RREB1: variants seen among roughly 807,000 people sequenced by gnomAD.
RREB1 encodes ras-responsive element-binding protein 1.
In RREB1, 27 loss-of-function variants were observed where a neutral mutation model predicts 117.8. The ratio of observed to expected loss-of-function variants is 0.23; its 90% CI spans 0.17 to 0.32. The LOEUF is 0.32. RREB1 is among the 10% of genes least tolerant of loss of function. The pLI is 1.00. For missense variants in RREB1, 2,577 were observed against 2,378.2 expected, an observed-to-expected ratio of 1.08 and a Z score of -1.74; for synonymous variants, 1,298 against 1,026.7, an observed-to-expected ratio of 1.26 and a Z score of -5.05.
intron 1 of RREB1, among the ~76,000 whole-genome samples, chr6:7,113,069 G>C (rs1427808619): frequency 6.6e-6 from 1 of 152,172 alleles, no homozygotes; most frequent in Non-Finnish European, 1.5e-5. Context: ...GGAGAGGGTG[G>C]AGATTGTTTG....
At chr6:7,115,898 A>C (rs534384551) in intron 1 of RREB1, among the ~76,000 whole-genome samples, 1 of 152,062 alleles carries the variant, frequency 6.6e-6, no homozygotes, top group South Asian at 2.1e-4. Context: ...GTCCTGACGT[A>C]TGTCTGTCCT....
chr6:7,164,426 A>G (rs1437009932), intron 1 of RREB1, among the ~76,000 whole-genome samples: 3 of 152,230 alleles, frequency 2.0e-5, no homozygotes, highest in Non-Finnish European at 4.4e-5. Context: ...AAGGAACTCC[A>G]GGGGGACTGT....
chr6:7,110,257 T>G (rs1387748558), intron 1 of RREB1, among the ~76,000 whole-genome samples: 1 of 152,186 alleles, frequency 6.6e-6, no homozygotes, highest in Non-Finnish European at 1.5e-5. Flanking sequence ...AAAATCATCC[T>G]CTAGATTTGG....
intron 1 of RREB1, among the ~76,000 whole-genome samples, chr6:7,155,184 C>T (rs1031494602): frequency 6.6e-6 from 1 of 152,106 alleles, no homozygotes; most frequent in Non-Finnish European, 1.5e-5. Context: ...CCTTTTGATT[C>T]TTCTTTGGTC....
intron 1 of RREB1, among the ~76,000 whole-genome samples, chr6:7,176,230 C>A (rs1480800876): frequency 6.6e-6 from 1 of 152,166 alleles, no homozygotes; most frequent in Non-Finnish European, 1.5e-5. Context: ...TTCTTAATTT[C>A]TTCAACTGTC....
At chr6:7,211,064 G>T in intron 7 of RREB1, 116 bp downstream of exon 7, 1 of 1,045,282 alleles carries the variant, frequency 9.6e-7, no homozygotes, top group Non-Finnish European at 1.4e-6. Context: ...AGCTCTTAAC[G>T]TGTGTTTTCC....
At chr6:7,185,629 G>GT (rs1765046822) in intron 4 of RREB1, among the ~76,000 whole-genome samples, 1 of 152,286 alleles carries the variant, frequency 6.6e-6, no homozygotes, top group African/African-American at 2.4e-5. Flanking sequence ...TTGAAGAGGA[G>GT]TGAGAGGGAA....
chr6:7,188,255 G>A (rs901151821), intron 5 of RREB1, among the ~76,000 whole-genome samples: 84 of 140,032 alleles, frequency 6.0e-4, no homozygotes, highest in African/African-American at 1.9e-3. Context: ...GTGTGTGTGC[G>A]CGCGCGCACG....
chr6:7,226,425 C>G (rs759629473), intron 8 of RREB1, 42 bp from the exon 9 acceptor site: 1 of 1,478,690 alleles, frequency 6.8e-7, no homozygotes, highest in South Asian at 1.3e-5. Context: ...TCCTCATATG[C>G]TCTCCCTTTC....
intron 1 of RREB1, among the ~76,000 whole-genome samples, chr6:7,174,710 G>GT (rs1409307725): frequency 6.6e-6 from 1 of 152,186 alleles, no homozygotes; most frequent in African/African-American, 2.4e-5. Context: ...CCGGGTTCAA[G>GT]TGATTCTCCT....
chr6:7,153,214 G>A (rs1763200510), intron 1 of RREB1, among the ~76,000 whole-genome samples: 1 of 144,880 alleles, frequency 6.9e-6, no homozygotes, highest in Admixed American at 7.1e-5. Context: ...ACTGCAAAAT[G>A]TTCCTAGATT....
At chr6:7,193,897 GCA>G (rs779294142) in intron 6 of RREB1, among the ~76,000 whole-genome samples, 1 of 152,186 alleles carries the variant, frequency 6.6e-6, no homozygotes, top group African/African-American at 2.4e-5. Flanking sequence ...TGATTGGGAC[GCA>G]CAGACTGTAT....
chr6:7,182,135 T>C, intron 4 of RREB1, 53 bp downstream of exon 4: 1 of 1,456,164 alleles, frequency 6.9e-7, no homozygotes, highest in Non-Finnish European at 9.5e-7. Flanking sequence ...CATGAGAACA[T>C]TGGGAGATGT....
intron 1 of RREB1, among the ~76,000 whole-genome samples, chr6:7,149,476 A>G (rs908923549): frequency 6.6e-6 from 1 of 152,144 alleles, no homozygotes; most frequent in Non-Finnish European, 1.5e-5. Flanking sequence ...AAAACCATAG[A>G]ATTTTAGAGC....
chr6:7,226,374 A>G, intron 8 of RREB1, 93 bp from the exon 9 acceptor site: 1 of 896,114 alleles, frequency 1.1e-6, no homozygotes, highest in South Asian at 2.2e-5. Context: ...GAATCAACAA[A>G]AACTTAAGTC....
At chr6:7,165,032 C>G (rs1000592151) in intron 1 of RREB1, among the ~76,000 whole-genome samples, 12 of 152,344 alleles carry the variant, frequency 7.9e-5, no homozygotes, top group Non-Finnish European at 1.8e-4. Context: ...AAGCAAATGT[C>G]TAAGTGAGCC....
chr6:7,164,565 C>T (rs183517265), intron 1 of RREB1, among the ~76,000 whole-genome samples: 308 of 152,292 alleles, frequency 2.0e-3, no homozygotes, highest in Middle Eastern at 0.01. Context: ...TGTGTGAGTT[C>T]CCTCAGGTCA....
intron 11 of RREB1, among the ~76,000 whole-genome samples, chr6:7,242,392 C>T (rs1329043334): frequency 6.6e-6 from 1 of 152,092 alleles, no homozygotes. Flanking sequence ...CACCCCACCC[C>T]GGAAGTTATA....
At chr6:7,226,680 C>A in intron 9 of RREB1, 24 bp downstream of exon 9, 2 of 1,575,378 alleles carry the variant, frequency 1.3e-6, no homozygotes, top group Non-Finnish European at 1.7e-6. Context: ...CCCATGGAAG[C>A]AACCAGCAAC....
Sources: allele counts gnomAD v4.1 joint callset (sites outside exome capture counted in the v4.1 genomes callset), GRCh38; gene constraint gnomAD v4.1.1; transcripts MANE v1.5; gene names NCBI Gene and HGNC (gene_info 2026-07-23, HGNC 2026-07-21).